Variants in TANGO6 observed in about 807,000 individuals in gnomAD.
TANGO6 encodes transport and Golgi organization protein 6 homolog.
A neutral mutation model predicts 114.2 loss-of-function variants in TANGO6; 90 were observed. The ratio of observed to expected loss-of-function variants is 0.79; its 90% CI spans 0.66 to 0.94. TANGO6 has a LOEUF of 0.94. Among genes scored for constraint, TANGO6 ranks in the 40% least tolerant of loss-of-function variants. The pLI is 0.00. For synonymous variants in TANGO6, 477 were observed against 509.8 expected, an observed-to-expected ratio of 0.94 and a Z score of 0.87; for missense variants, 1,274 against 1,315.3, an observed-to-expected ratio of 0.97 and a Z score of 0.49.
Position 68,843,575 on chromosome 16 carries a change from G to C in TANGO6, c.-43G>C, listed in dbSNP as rs767826819. On this transcript the variant is annotated 5_prime_UTR_variant, in exon 1 of 18. Coordinates refer to ENST00000261778, the MANE Select transcript of TANGO6 (RefSeq NM_024562.2). ...AACATGGCGGCGGCGGCGCCCTGCC[G>C]AGGCGCCTGAGCGGGTCGCGAGCGT... 1.3e-6 allele frequency: 2 copies of C among 1,584,180 alleles called. No homozygotes were observed. The highest frequency in any genetic ancestry group is 1.7e-6 in the Non-Finnish European group (2 of 1,159,286).
chr16:69,022,818 T>C lies in TANGO6; in HGVS notation c.2843-10T>C. ...TTTAAGGGGTTTTGATTTCTTCCTTTTTCCTATAGGAGACATGGTCTCAAA... is the reference window on the plus strand; with the variant it reads ...TTTAAGGGGTTTTGATTTCTTCCTTCTTCCTATAGGAGACATGGTCTCAAA... On this transcript the variant is annotated splice_polypyrimidine_tract_variant and intron_variant, in intron 15 of 17. Transcript: ENST00000261778. The C allele has an allele frequency of 6.4e-7, 1 of 1,564,292 alleles. No homozygotes were observed. The highest frequency in any genetic ancestry group is 1.9e-5 in the Admixed American group (1 of 51,604).
chr16:68,929,071 A>C (rs1963207301), intron 13 of TANGO6, among the ~76,000 whole-genome samples: 1 of 152,096 alleles, frequency 6.6e-6, no homozygotes, highest in Non-Finnish European at 1.5e-5. Context: ...GGTGCCCACC[A>C]ACACACCCAG....
chr16:69,079,775 TCA>T (rs1356509293), intron 17 of TANGO6, among the ~76,000 whole-genome samples: 1 of 152,244 alleles, frequency 6.6e-6, no homozygotes, highest in South Asian at 2.1e-4. Flanking sequence ...ACAGGAATTT[TCA>T]CAGTGTTTGA....
At chr16:68,917,631 C>G (rs571242110) in intron 11 of TANGO6, among the ~76,000 whole-genome samples, 1 of 152,306 alleles carries the variant, frequency 6.6e-6, no homozygotes, top group East Asian at 1.9e-4. Flanking sequence ...CAGTATATCA[C>G]CAGTGCTTTC....
At chr16:68,928,156 C>G in intron 13 of TANGO6, 73 bp downstream of exon 13, 2 of 1,454,966 alleles carry the variant, frequency 1.4e-6, no homozygotes, top group Non-Finnish European at 1.8e-6. Flanking sequence ...TTTTTGGAGC[C>G]TGGACTATGT....
At chr16:68,848,925 A>G (rs975541977) in intron 1 of TANGO6, among the ~76,000 whole-genome samples, 2 of 152,048 alleles carry the variant, frequency 1.3e-5, no homozygotes, top group African/African-American at 4.8e-5. Flanking sequence ...CTTGCTCTCA[A>G]GCAGAAGATA....
rs1220430863 is a variant in TANGO6, at chr16:68,863,016, C to CT, written c.809dup (p.Leu270PhefsTer42). 6.3e-7 allele frequency: 1 copy of CT among 1,597,956 alleles called. No individual in the cohort carries two copies. The highest frequency in any genetic ancestry group is 1.7e-5 in the Admixed American group (1 of 57,624). On this transcript the variant is annotated frameshift_variant, in exon 3 of 18. Transcript: ENST00000261778. LOFTEE classifies it high-confidence loss of function. ...ACATGCTGGATCAAGTCTATCAGCC[C>CT]TTAGCAGTCCGGGAACTGCTTATCC...
chr16:68,896,538 T>C (rs1244640970), intron 7 of TANGO6, among the ~76,000 whole-genome samples: 3 of 151,754 alleles, frequency 2.0e-5, no homozygotes, highest in Non-Finnish European at 4.4e-5. Context: ...CTTGAACTCC[T>C]GGGCACAAGT....
chr16:68,893,899 A>C (rs1296258556), intron 7 of TANGO6, among the ~76,000 whole-genome samples: 2 of 152,102 alleles, frequency 1.3e-5, no homozygotes, highest in Non-Finnish European at 2.9e-5. Flanking sequence ...AAGAGACTAA[A>C]CATAAGCACA....
At chr16:69,022,687 C>A in intron 15 of TANGO6, 141 bp from the exon 16 acceptor site, 1 of 911,168 alleles carries the variant, frequency 1.1e-6, no homozygotes, top group Non-Finnish European at 1.6e-6. Context: ...CTGGGCAATA[C>A]AGCAAGACCC....
chr16:68,871,043 G>A (rs1288549328), intron 4 of TANGO6, among the ~76,000 whole-genome samples: 1 of 150,810 alleles, frequency 6.6e-6, no homozygotes, highest in African/African-American at 2.4e-5. Context: ...CACCTGCCTC[G>A]GCCTCCCAAA....
At chr16:68,909,183 C>T (rs1962890287) in intron 10 of TANGO6, 28 bp from the exon 11 acceptor site, 1 of 1,454,740 alleles carries the variant, frequency 6.9e-7, no homozygotes, top group Non-Finnish European at 9.1e-7. Context: ...GCTTTATCTT[C>T]ACTTTTTCTT....
At chr16:68,991,800 G>A (rs750318824) in intron 15 of TANGO6, among the ~76,000 whole-genome samples, 32 of 152,070 alleles carry the variant, frequency 2.1e-4, no homozygotes, top group African/African-American at 6.0e-4. Flanking sequence ...ACTCCAGCCC[G>A]GGTGACAGAG....
intron 14 of TANGO6, among the ~76,000 whole-genome samples, chr16:68,963,784 G>A (rs939803687): frequency 6.6e-5 from 10 of 152,124 alleles, no homozygotes; most frequent in African/African-American, 1.9e-4. Flanking sequence ...CCTTTTCTGC[G>A]TACATACTGA....
intron 14 of TANGO6, among the ~76,000 whole-genome samples, chr16:68,938,639 A>T (rs545699779): frequency 3.3e-5 from 5 of 151,976 alleles, no homozygotes; most frequent in African/African-American, 1.2e-4. Context: ...TTAACTACTT[A>T]TAAGTTAGCT....
At chr16:68,903,615 C>CAAAAAAAAAA (rs1175415785) in intron 9 of TANGO6, among the ~76,000 whole-genome samples, 1 of 59,252 alleles carries the variant, frequency 1.7e-5, no homozygotes, top group South Asian at 6.3e-4. Flanking sequence ...GAGACCATCT[C>CAAAAAAAAAA]AAAAAAAAAA....
intron 17 of TANGO6, among the ~76,000 whole-genome samples, chr16:69,071,327 C>A (rs74649835): frequency 6.6e-6 from 1 of 152,126 alleles, no homozygotes; most frequent in Non-Finnish European, 1.5e-5. Context: ...TAGCATTTAA[C>A]GTTTTTGTCC....
chr16:69,031,893 G>C (rs906869541), intron 16 of TANGO6, among the ~76,000 whole-genome samples: 3 of 151,906 alleles, frequency 2.0e-5, no homozygotes, highest in African/African-American at 7.2e-5. Flanking sequence ...AAACTCCTGA[G>C]TTCATGCAAC....
At chr16:68,892,833 C>T (rs995619181) in intron 7 of TANGO6, among the ~76,000 whole-genome samples, 2 of 152,054 alleles carry the variant, frequency 1.3e-5, no homozygotes, top group Non-Finnish European at 2.9e-5. Context: ...GCCTTTCTTC[C>T]AGGCATCCTT....
Sources: allele counts gnomAD v4.1 joint callset (sites outside exome capture counted in the v4.1 genomes callset), GRCh38; gene constraint gnomAD v4.1.1; transcripts MANE v1.5; gene names NCBI Gene and HGNC (gene_info 2026-07-23, HGNC 2026-07-21).